CDH12: variants seen among roughly 807,000 people sequenced by gnomAD.
CDH12 encodes cadherin-12.
CDH12 carries 41 observed loss-of-function variants against 74.1 expected under a neutral mutation model. That is an observed-to-expected ratio of 0.55 (90% CI 0.43 to 0.72). CDH12 has a LOEUF of 0.72. Among genes scored for constraint, CDH12 ranks in the 30% least tolerant of loss-of-function variants. The pLI, the probability that CDH12 is intolerant of heterozygous loss-of-function variation, is 0.00. For synonymous variants in CDH12, 399 were observed against 355.0 expected (o/e 1.12, Z -1.39); for missense variants, 945 against 977.2 (o/e 0.97, Z 0.44).
chr5:22,363,026 A>G (rs574752436), intron 3 of CDH12, among the ~76,000 whole-genome samples: 139 of 152,108 alleles, frequency 9.1e-4, no homozygotes, highest in African/African-American at 3.3e-3. Flanking sequence ...GCACATGTAT[A>G]TGTATGTAAC....
intron 2 of CDH12, among the ~76,000 whole-genome samples, chr5:22,446,134 G>GCTACCAGC (rs2126551547): frequency 6.6e-6 from 1 of 152,110 alleles, no homozygotes; most frequent in African/African-American, 2.4e-5. Flanking sequence ...TAATCTCTCA[G>GCTACCAGC]CCTTTGGATT....
At chr5:22,252,732 A>G (rs538684336) in intron 3 of CDH12, among the ~76,000 whole-genome samples, 1 of 151,832 alleles carries the variant, frequency 6.6e-6, no homozygotes, top group South Asian at 2.1e-4. Flanking sequence ...TATGTTTGCT[A>G]TTCTTTCTCA....
chr5:22,796,786 C>T lies in CDH12; in HGVS notation c.-523+56272G>A, dbSNP rs374629623. On this transcript the variant is annotated intron_variant, in intron 1 of 14. Transcript: ENST00000382254. ...CCGCCCGCCTCGGCCTCCCAAAGTG[C>T]TGGGATTACAGGCGTGAGCCACCGC... Among the ~76,000 whole-genome samples, 22 of 151,050 alleles carry T rather than the reference C, an allele frequency of 1.5e-4. 2 individuals are homozygous for T. In the East Asian group the frequency reaches 3.9e-3, roughly 27 times the overall value.
At chr5:22,793,447 G>T (rs922123271) in intron 1 of CDH12, among the ~76,000 whole-genome samples, 3 of 152,132 alleles carry the variant, frequency 2.0e-5, no homozygotes, top group African/African-American at 7.2e-5. Context: ...CAGTGCACAT[G>T]AATGAATTTA....
At chr5:22,539,643 A>C (rs1397672140) in intron 1 of CDH12, among the ~76,000 whole-genome samples, 1 of 152,194 alleles carries the variant, frequency 6.6e-6, no homozygotes, top group Non-Finnish European at 1.5e-5. Flanking sequence ...CAAGATACAG[A>C]AAAGTGGCCA....
At chr5:21,954,013 C>T (rs1755984938) in intron 6 of CDH12, among the ~76,000 whole-genome samples, 1 of 151,950 alleles carries the variant, frequency 6.6e-6, no homozygotes, top group Non-Finnish European at 1.5e-5. Flanking sequence ...ATTTCCTAAA[C>T]TGACATTGAT....
intron 4 of CDH12, among the ~76,000 whole-genome samples, chr5:22,098,694 G>T (rs549264814): frequency 6.6e-6 from 1 of 151,922 alleles, no homozygotes; most frequent in African/African-American, 2.4e-5. Context: ...ACTTCAATCC[G>T]GCCTCCCACA....
chr5:21,751,633 T>A lies in CDH12; in HGVS notation c.*104A>T, dbSNP rs1744066454. 4 of 613,256 alleles carry A rather than the reference T, an allele frequency of 6.5e-6. No homozygotes were observed. Among genetic ancestry groups the A allele is most frequent in the Non-Finnish European group, 1.0e-5 (4 of 398,976 alleles). 38.0% of individuals were successfully genotyped at this position (613,256 alleles called of 1,614,324 possible). On this transcript the variant is annotated 3_prime_UTR_variant, in exon 15 of 15. Transcript: ENST00000382254. The stretch of plus-strand genomic sequence containing the variant: ...GAGTGTGTGTGTGTGTGTGTGTGTT[T>A]GTGTGTGTGTGTGTGTGTGAGAGAG...
intron 6 of CDH12, among the ~76,000 whole-genome samples, chr5:21,946,808 G>A (rs1189344694): frequency 2.0e-5 from 3 of 152,160 alleles, no homozygotes; most frequent in Admixed American, 6.5e-5. Flanking sequence ...TGCATTGCCA[G>A]TTATAAAAAA....
intron 1 of CDH12, among the ~76,000 whole-genome samples, chr5:22,510,602 T>C (rs981019702): frequency 6.6e-6 from 1 of 152,186 alleles, no homozygotes; most frequent in Non-Finnish European, 1.5e-5. Context: ...CTCAAGTCTT[T>C]TATGTAAAAA....
chr5:22,363,273 G>A (rs897042218), intron 3 of CDH12, among the ~76,000 whole-genome samples: 1 of 151,998 alleles, frequency 6.6e-6, no homozygotes, highest in Non-Finnish European at 1.5e-5. Context: ...TTATCATTAT[G>A]CAAAACAAAT....
intron 3 of CDH12, among the ~76,000 whole-genome samples, chr5:22,228,443 G>A (rs1752270057): frequency 6.6e-6 from 1 of 152,002 alleles, no homozygotes; most frequent in African/African-American, 2.4e-5. Flanking sequence ...TTAACATTTA[G>A]TAGTGGATAA....
chr5:22,463,065 T>C lies in CDH12; in HGVS notation c.-428+42205A>G, dbSNP rs1451876052. Among the ~76,000 whole-genome samples the C allele has an allele frequency of 2.6e-5, 4 of 152,060 alleles. No homozygotes were observed. In the East Asian group the frequency reaches 7.7e-4, roughly 29 times the overall value. On this transcript the variant is annotated intron_variant, in intron 2 of 14. Coordinates refer to ENST00000382254, the MANE Select transcript of CDH12 (RefSeq NM_004061.5). Reference sequence around the variant, plus strand: ...TTAATAAATTACAAAAAAGTTAAAGTGCTATTAGGAACATATAATCAAGAA... The same window carrying C: ...TTAATAAATTACAAAAAAGTTAAAGCGCTATTAGGAACATATAATCAAGAA...
intron 1 of CDH12, among the ~76,000 whole-genome samples, chr5:22,822,079 A>C (rs1210825783): frequency 6.6e-6 from 1 of 152,200 alleles, no homozygotes; most frequent in Admixed American, 6.5e-5. Flanking sequence ...ATAATGCTGC[A>C]TATCTACAAC....
intron 9 of CDH12, among the ~76,000 whole-genome samples, chr5:21,804,693 C>CAT: frequency 7.3e-6 from 1 of 137,706 alleles, no homozygotes; most frequent in Non-Finnish European, 1.6e-5. Flanking sequence ...CACACACACA[C>CAT]ATAGATGTTT....
intron 6 of CDH12, among the ~76,000 whole-genome samples, chr5:21,920,175 G>C (rs1326303533): frequency 6.6e-6 from 1 of 152,082 alleles, no homozygotes; most frequent in African/African-American, 2.4e-5. Context: ...ACAATGCCCA[G>C]GTACTGTTTC....
chr5:22,794,837 A>G (rs555015512), intron 1 of CDH12, among the ~76,000 whole-genome samples: 65 of 152,288 alleles, frequency 4.3e-4, no homozygotes, highest in African/African-American at 1.5e-3. Context: ...AGTGGACTCC[A>G]TGGAATCACA....
At chr5:22,277,098 C>T (rs1736667028) in intron 3 of CDH12, among the ~76,000 whole-genome samples, 1 of 152,306 alleles carries the variant, frequency 6.6e-6, no homozygotes, top group South Asian at 2.1e-4. Context: ...TCATCCTTAA[C>T]ATTTTGTGCC....
chr5:22,810,927 G>GACACA (rs1749105321), intron 1 of CDH12, among the ~76,000 whole-genome samples: 1 of 144,972 alleles, frequency 6.9e-6, no homozygotes, highest in African/African-American at 2.8e-5. Context: ...GTGTGTGTGT[G>GACACA]TGTATACACA....
Sources: gnomAD v4.1 joint callset for allele counts (sites outside exome capture counted in the v4.1 genomes callset) on GRCh38, gnomAD v4.1.1 for gene constraint, MANE v1.5 for transcripts, NCBI Gene and HGNC (gene_info 2026-07-23, HGNC 2026-07-21) for gene names.